POP1: variants seen among roughly 807,000 people sequenced by gnomAD.
POP1 encodes POP1 ribonuclease P/MRP subunit.
POP1 carries 75 observed loss-of-function variants against 102.2 expected under a neutral mutation model. That is an observed-to-expected ratio of 0.73 (90% confidence interval 0.61 to 0.89). The LOEUF (loss-of-function observed/expected upper bound fraction) is 0.89. Ranked by LOEUF, POP1 falls within the 40% of genes least tolerant of loss-of-function variation. The pLI, the probability that POP1 is intolerant of heterozygous loss-of-function variation, is 0.00. For missense variants in POP1, 1,116 were observed against 1,267.4 expected, an observed-to-expected ratio of 0.88 and a Z score of 1.81; for synonymous variants, 436 against 464.1, an observed-to-expected ratio of 0.94 and a Z score of 0.78.
chr8:98,140,523 A>G (rs1816672634), intron 10 of POP1, among the ~76,000 whole-genome samples: 1 of 152,228 alleles, frequency 6.6e-6, no homozygotes, highest in African/African-American at 2.4e-5. Flanking sequence ...TGATAGAAGC[A>G]TATGTGTTCA....
intron 1 of POP1, 56 bp from the exon 2 acceptor site, chr8:98,123,280 T>C: frequency 6.3e-7 from 1 of 1,577,544 alleles, no homozygotes; most frequent in Non-Finnish European, 8.7e-7. Flanking sequence ...AAATTTATTT[T>C]TATTTTTGAG....
chr8:98,120,715 C>T (rs971007719), intron 1 of POP1, among the ~76,000 whole-genome samples: 3 of 151,422 alleles, frequency 2.0e-5, no homozygotes, highest in Admixed American at 6.6e-5. Flanking sequence ...GGCGCGATCT[C>T]GGCTCACTGG....
At chr8:98,145,920 G>T (rs1816831876) in intron 11 of POP1, among the ~76,000 whole-genome samples, 1 of 151,706 alleles carries the variant, frequency 6.6e-6, no homozygotes. Flanking sequence ...AAAAAAAAAG[G>T]ATGAAAAAAT....
At chr8:98,150,738 A>C in intron 14 of POP1, 99 bp downstream of exon 14, 1 of 1,189,348 alleles carries the variant, frequency 8.4e-7, no homozygotes, top group Non-Finnish European at 1.2e-6. Context: ...TGGTAATTTC[A>C]TAGACTTTTC....
chr8:98,156,530 T>C (rs1177405240), intron 15 of POP1, 118 bp downstream of exon 15: 6 of 1,319,342 alleles, frequency 4.5e-6, no homozygotes, highest in Non-Finnish European at 5.2e-6. Flanking sequence ...TTTATAGGCT[T>C]TCTGGAAGGG....
chr8:98,143,952 G>A (rs1301973342), intron 11 of POP1, among the ~76,000 whole-genome samples: 1 of 151,744 alleles, frequency 6.6e-6, no homozygotes, highest in Non-Finnish European at 1.5e-5. Flanking sequence ...TCAGGAGTTC[G>A]AGACCAGCTT....
intron 1 of POP1, among the ~76,000 whole-genome samples, chr8:98,122,394 C>G (rs952587978): frequency 1.3e-5 from 2 of 152,170 alleles, no homozygotes; most frequent in Non-Finnish European, 2.9e-5. Flanking sequence ...AAATACTGAA[C>G]TGCTTTGAGA....
intron 2 of POP1, among the ~76,000 whole-genome samples, chr8:98,125,409 C>T (rs1024309135): frequency 6.6e-6 from 1 of 152,062 alleles, no homozygotes; most frequent in Non-Finnish European, 1.5e-5. Context: ...TGGTGTCAAA[C>T]TCCTAACCTC....
chr8:98,146,436 A>G, intron 11 of POP1, 132 bp from the exon 12 acceptor site: 4 of 741,428 alleles, frequency 5.4e-6, no homozygotes, highest in South Asian at 4.5e-5. Flanking sequence ...TTTCTTGTCA[A>G]GTAAATTCTT....
At chr8:98,118,802 A>G (rs1268287898) in intron 1 of POP1, among the ~76,000 whole-genome samples, 1 of 151,052 alleles carries the variant, frequency 6.6e-6, no homozygotes, top group African/African-American at 2.4e-5. Flanking sequence ...ATGAGATCCT[A>G]TTTTCTAATT....
At position 98,158,202 on chromosome 8, in the gene POP1, G is replaced by A. The variant is rs765590634; in HGVS notation, c.3006G>A (p.Arg1002=). The change falls in exon 16 of 16, where the codon AGG becomes AGA. Residue 1002 remains arginine, a synonymous_variant. Coordinates refer to ENST00000401707, the MANE Select transcript of POP1 (RefSeq NM_001145860.2). ...TGTCCAGCCAGCCTGCAGCGCAGAG[G>A]GGCTTAGTGCTACTGAGGCCTCCCG... is the stretch of plus-strand genomic sequence containing the variant. ...DMLSSQPAAQ[R]GLVLLRPPAS... 5 of 1,612,108 alleles carry A rather than the reference G, an allele frequency of 3.1e-6. No homozygotes were observed. The East Asian group carries it at 1.1e-4, about 36-fold the overall frequency.
Position 98,156,222 on chromosome 8 carries a change from C to T in POP1, c.2230C>T (p.Pro744Ser), listed in dbSNP as rs370897296. 7 of 1,614,006 alleles carry T rather than the reference C, an allele frequency of 4.3e-6. No individual in the cohort carries two copies. The highest frequency in any genetic ancestry group is 3.3e-5 in the Admixed American group (2 of 60,012). Residue 744 changes from proline (P) to serine (S), a missense_variant, in exon 15 of 16, where the codon CCT becomes TCT. Pro to Ser is a moderately conservative substitution (Grantham distance 74, BLOSUM62 -1). Transcript: ENST00000401707. The part of the protein sequence containing the change: ...KESDLRRSEV[P>S]CAPMPKKTHQ... ...GAGTGACCTAAGAAGATCTGAGGTG[C>T]CTTGTGCTCCCATGCCTAAAAAAAC...
intron 4 of POP1, among the ~76,000 whole-genome samples, chr8:98,129,189 G>A (rs1009627609): frequency 3.3e-5 from 5 of 152,142 alleles, no homozygotes; most frequent in African/African-American, 9.7e-5. Context: ...TGCCCAGCTT[G>A]GGGTAGGAAG....
intron 5 of POP1, among the ~76,000 whole-genome samples, chr8:98,130,503 C>A (rs1045910855): frequency 6.6e-6 from 1 of 150,848 alleles, no homozygotes; most frequent in Middle Eastern, 3.2e-3. Context: ...TGGAAGGCGT[C>A]CCCCAGAAGT....
At chr8:98,134,326 G>GC (rs1816467977) in intron 6 of POP1, 146 bp from the exon 7 acceptor site, 1 of 816,270 alleles carries the variant, frequency 1.2e-6, no homozygotes, top group Non-Finnish European at 2.1e-6. Flanking sequence ...AGAACTTATT[G>GC]TGTGCCAGGC....
Position 98,158,064 on chromosome 8 carries a change from G to T in POP1, c.2868G>T (p.Thr956=). The T allele has an allele frequency of 6.2e-7, 1 of 1,609,530 alleles. No individual in the cohort carries two copies. The highest frequency in any genetic ancestry group is 8.5e-7 in the Non-Finnish European group (1 of 1,179,716). Residue 956 remains threonine, a synonymous_variant, in exon 16 of 16, where the codon ACG becomes ACT. Coordinates refer to ENST00000401707, the MANE Select transcript of POP1 (RefSeq NM_001145860.2). ...GLWSGPLPRV[T]LHCSRTLLGF... ...GGTCAGGCCCTCTGCCGCGTGTGACGTTGCACTGCTCCAGAACTCTCCTAG... is the reference window on the plus strand; with the variant it reads ...GGTCAGGCCCTCTGCCGCGTGTGACTTTGCACTGCTCCAGAACTCTCCTAG...
At chr8:98,154,953 TAAAAA>T (rs1479753502) in intron 14 of POP1, among the ~76,000 whole-genome samples, 2 of 152,122 alleles carry the variant, frequency 1.3e-5, no homozygotes, top group African/African-American at 2.4e-5. Context: ...TAAAAATAAA[TAAAAA>T]GAAAGAAATA....
At chr8:98,152,270 A>G (rs560371405) in intron 14 of POP1, among the ~76,000 whole-genome samples, 2 of 152,350 alleles carry the variant, frequency 1.3e-5, no homozygotes, top group East Asian at 3.9e-4. Context: ...ATAGATATAC[A>G]TATTTTTTTA....
chr8:98,146,681 C>G lies in POP1; in HGVS notation c.1708C>G (p.Gln570Glu). 6.3e-7 allele frequency: 1 copy of G among 1,594,070 alleles called. No homozygotes were observed. Among genetic ancestry groups the G allele is most frequent in the Non-Finnish European group, 8.6e-7 (1 of 1,161,838 alleles). The change falls in exon 12 of 16, where the codon CAG becomes GAG. Residue 570 changes from glutamine to glutamate, a missense_variant and splice_region_variant. Coordinates refer to ENST00000401707, the MANE Select transcript of POP1 (RefSeq NM_001145860.2). ...KSVTENKISD[Q>E]DLNRMRSELL... ...TGTCACAGAGAATAAAATCTCGGAT[C>G]AGGTAACTAATAGTGTAAGGGTTAT... is the stretch of plus-strand genomic sequence containing the variant.
Sources: gnomAD v4.1 joint callset for allele counts (sites outside exome capture counted in the v4.1 genomes callset) on GRCh38, gnomAD v4.1.1 for gene constraint, MANE v1.5 for transcripts, NCBI Gene and HGNC (gene_info 2026-07-23, HGNC 2026-07-21) for gene names.